Variants in MAPK8IP3 observed in about 807,000 individuals in gnomAD.
MAPK8IP3 encodes mitogen-activated protein kinase 8 interacting protein 3.
MAPK8IP3 carries 49 observed loss-of-function variants against 157.8 expected under a neutral mutation model. That is an observed-to-expected ratio of 0.31 (90% CI 0.25 to 0.39). The LOEUF (loss-of-function observed/expected upper bound fraction) is 0.39. Ranked by LOEUF, MAPK8IP3 falls within the 10% of genes least tolerant of loss-of-function variation. MAPK8IP3 has a pLI of 1.00. For missense variants in MAPK8IP3, 1,478 were observed against 1,889.4 expected, an observed-to-expected ratio of 0.78 and a Z score of 4.04; for synonymous variants, 897 against 777.7, an observed-to-expected ratio of 1.15 and a Z score of -2.55.
At chr16:1,738,703 G>T (rs1013487523) in intron 4 of MAPK8IP3, among the ~76,000 whole-genome samples, 2 of 132,952 alleles carry the variant, frequency 1.5e-5, no homozygotes, top group Non-Finnish European at 3.2e-5. Flanking sequence ...ATCCATGTGA[G>T]CGTGTGAGCA....
chr16:1,737,520 G>T (rs536762748), intron 4 of MAPK8IP3, among the ~76,000 whole-genome samples: 1 of 98,496 alleles, frequency 1.0e-5, no homozygotes, highest in African/African-American at 3.8e-5. Flanking sequence ...GTGACCGTCC[G>T]TGTGAGTGTG....
chr16:1,753,757 T>C (rs1449907526), intron 8 of MAPK8IP3, among the ~76,000 whole-genome samples: 1 of 151,520 alleles, frequency 6.6e-6, no homozygotes, highest in Non-Finnish European at 1.5e-5. Context: ...ACCATTATTT[T>C]AGGAATCTTC....
intron 14 of MAPK8IP3, 57 bp downstream of exon 14, chr16:1,762,538 G>A (rs1425549626): frequency 1.1e-5 from 17 of 1,602,044 alleles, no homozygotes; most frequent in Admixed American, 1.7e-5. Flanking sequence ...CGGCAGGACT[G>A]CGGCTCCCTC....
At chr16:1,732,546 T>C (rs1184393289) in intron 4 of MAPK8IP3, among the ~76,000 whole-genome samples, 1 of 152,238 alleles carries the variant, frequency 6.6e-6, no homozygotes, top group East Asian at 1.9e-4. Flanking sequence ...CAGCAGGTCC[T>C]CAGGCAGTCT....
intron 20 of MAPK8IP3, 23 bp downstream of exon 20, chr16:1,765,201 T>C: frequency 2.5e-6 from 4 of 1,576,096 alleles, no homozygotes; most frequent in Non-Finnish European, 3.5e-6. Context: ...AGTGGGCGTT[T>C]CCACTCGGGC....
At position 1,761,313 on chromosome 16, in the gene MAPK8IP3, C is replaced by T. The variant is rs1310166589; in HGVS notation, c.1539+8C>T. On this transcript the variant is annotated splice_region_variant and intron_variant, in intron 13 of 31. Transcript: ENST00000610761. ...TATCTCTGTACAGAATCGGTACATCCACTCTTCACTCTTCACATGCGGGGC... is the reference window on the plus strand; with the variant it reads ...TATCTCTGTACAGAATCGGTACATCTACTCTTCACTCTTCACATGCGGGGC... 1.2e-6 allele frequency: 2 copies of T among 1,609,378 alleles called. No individual in the cohort carries two copies. Among genetic ancestry groups the T allele is most frequent in the Non-Finnish European group, 1.7e-6 (2 of 1,176,984 alleles).
chr16:1,727,730 G>T (rs1044414211), intron 2 of MAPK8IP3, among the ~76,000 whole-genome samples: 1 of 152,176 alleles, frequency 6.6e-6, no homozygotes, highest in Non-Finnish European at 1.5e-5. Context: ...GCTGCTCCTC[G>T]GGGTGAGATC....
At chr16:1,715,288 C>T (rs547507095) in intron 1 of MAPK8IP3, among the ~76,000 whole-genome samples, 14 of 152,240 alleles carry the variant, frequency 9.2e-5, no homozygotes, top group Admixed American at 6.5e-5. Flanking sequence ...GTCCTTCCCT[C>T]GACCCGTGTC....
chr16:1,746,909 G>C, intron 5 of MAPK8IP3, 120 bp from the exon 6 acceptor site: 1 of 1,243,206 alleles, frequency 8.0e-7, no homozygotes. Context: ...CTGGCCCGCA[G>C]GGTGTCGGGC....
Position 1,748,242 on chromosome 16 carries a change from A to C in MAPK8IP3, c.995-2A>C. 1 of 1,610,902 alleles carries C rather than the reference A, an allele frequency of 6.2e-7. No individual in the cohort carries two copies. Among genetic ancestry groups the C allele is most frequent in the Non-Finnish European group, 8.5e-7 (1 of 1,177,278 alleles). ...CCCAGGTGCCCCTGTGCTCTCCCCT[A>C]GGCATGGGCAGCAGTGACGAGTGGT... On this transcript the variant is annotated splice_acceptor_variant, in intron 6 of 31. Transcript: ENST00000610761. LOFTEE classifies it high-confidence loss of function.
chr16:1,733,347 C>T (rs970923661), intron 4 of MAPK8IP3, among the ~76,000 whole-genome samples: 1 of 152,110 alleles, frequency 6.6e-6, no homozygotes, highest in Admixed American at 6.5e-5. Context: ...TTGCAGTGAT[C>T]CCCACCCCAG....
At chr16:1,748,219 C>G in intron 6 of MAPK8IP3, 25 bp from the exon 7 acceptor site, 1 of 1,575,654 alleles carries the variant, frequency 6.3e-7, no homozygotes. Flanking sequence ...CTCCTGACCC[C>G]AGGTGCCCCT....
intron 4 of MAPK8IP3, among the ~76,000 whole-genome samples, chr16:1,736,213 C>T (rs1217082503): frequency 2.6e-5 from 2 of 77,238 alleles, no homozygotes; most frequent in Admixed American, 1.7e-4. Flanking sequence ...TGTGACCATC[C>T]GTGTGAGCGT....
intron 4 of MAPK8IP3, among the ~76,000 whole-genome samples, chr16:1,738,329 A>T (rs1379484046): frequency 7.0e-4 from 29 of 41,510 alleles, no homozygotes; most frequent in Admixed American, 1.5e-3. Flanking sequence ...AGCATCCGTG[A>T]GCGTGTGACC....
At chr16:1,740,372 G>T (rs1489026094) in intron 4 of MAPK8IP3, among the ~76,000 whole-genome samples, 1 of 151,338 alleles carries the variant, frequency 6.6e-6, no homozygotes, top group East Asian at 2.0e-4. Context: ...CCGTCTGTGT[G>T]ACCGTCCGTG....
chr16:1,735,127 C>T (rs1471665927), intron 4 of MAPK8IP3: 4 of 152,406 alleles, frequency 2.6e-5, no homozygotes, highest in Non-Finnish European at 5.9e-5. Flanking sequence ...GCTCGTGTGT[C>T]GCATGTCTGT....
rs1206560934 is a variant in MAPK8IP3 at position 1,765,192 on chromosome 16, G to C, written c.2446+14G>C. 2 of 1,583,154 alleles carry C rather than the reference G, an allele frequency of 1.3e-6. No individual in the cohort carries two copies. The highest frequency in any genetic ancestry group is 2.7e-5 in the African/African-American group (2 of 74,344). On this transcript the variant is annotated intron_variant, in intron 20 of 31. Transcript: ENST00000610761. ...CCAGCATCCCCGGTGAGCAGCTGGA[G>C]TGGGCGTTTCCACTCGGGCGCCACT...
At chr16:1,767,111 C>A in intron 25 of MAPK8IP3, 38 bp from the exon 26 acceptor site, 1 of 1,608,808 alleles carries the variant, frequency 6.2e-7, no homozygotes, top group Non-Finnish European at 8.5e-7. Flanking sequence ...GAGGTGGGGC[C>A]TGGCCAGGCC....
intron 16 of MAPK8IP3, 60 bp downstream of exon 16, chr16:1,763,066 A>C: frequency 6.3e-7 from 1 of 1,593,802 alleles, no homozygotes; most frequent in Non-Finnish European, 8.6e-7. Context: ...CCCTGTCCTG[A>C]GGCTCCTCCC....
Sources: allele counts gnomAD v4.1 joint callset (sites outside exome capture counted in the v4.1 genomes callset), GRCh38; gene constraint gnomAD v4.1.1; transcripts MANE v1.5; gene names NCBI Gene and HGNC (gene_info 2026-07-23, HGNC 2026-07-21).